Variants in RGPD8 observed in about 807,000 individuals in gnomAD.
The protein encoded by RGPD8 is RANBP2 like and GRIP domain containing 8, also known as RANBP2-like and GRIP domain-containing protein 8.
In RGPD8, 15 loss-of-function variants were observed where a neutral mutation model predicts 89.1. That is an observed-to-expected ratio of 0.17 (90% CI 0.11 to 0.26). The LOEUF is 0.26. Ranked by LOEUF, RGPD8 falls within the 10% of genes least tolerant of loss-of-function variation. The pLI is 1.00. For synonymous variants in RGPD8, 62 were observed against 420.9 expected, an observed-to-expected ratio of 0.15 and a Z score of 10.44; for missense variants, 178 against 1,179.6, an observed-to-expected ratio of 0.15 and a Z score of 12.44.
At chr2:112,419,763 G>A (rs1286204996) in intron 4 of RGPD8, among the ~76,000 whole-genome samples, 14 of 142,224 alleles carry the variant, frequency 9.8e-5, no homozygotes, top group East Asian at 4.3e-4. Context: ...GGATTGCCAC[G>A]CCCAATATGG....
chr2:112,417,110 G>A, intron 6 of RGPD8, 83 bp downstream of exon 6: 1 of 1,606,802 alleles, frequency 6.2e-7, no homozygotes. Context: ...TAATGATTCA[G>A]TGAAGAAGTT....
chr2:112,374,858 CTTTTTTTTTTTTTTT>C (rs780008775), intron 22 of RGPD8, among the ~76,000 whole-genome samples: 1 of 103,454 alleles, frequency 9.7e-6, no homozygotes, highest in East Asian at 3.3e-4. Context: ...AGTTTACATT[CTTTTTTTTTTTTTTT>C]TTTTTGAGAT....
chr2:112,428,016 A>G (rs1177023310), intron 1 of RGPD8, among the ~76,000 whole-genome samples: 4 of 152,302 alleles, frequency 2.6e-5, no homozygotes, highest in Non-Finnish European at 5.9e-5. Flanking sequence ...TAATACAAGA[A>G]ATGCTACAGA....
At chr2:112,432,577 C>A (rs1277175394) in intron 1 of RGPD8, 43 of 985,286 alleles carry the variant, frequency 4.4e-5, no homozygotes, top group Admixed American at 6.1e-5. Context: ...CTGCGTCAGT[C>A]CCCACTGGGT....
chr2:112,427,959 T>G (rs1231407776), intron 1 of RGPD8, among the ~76,000 whole-genome samples: 2 of 152,310 alleles, frequency 1.3e-5, no homozygotes, highest in African/African-American at 4.8e-5. Context: ...AACTCCAGCT[T>G]TCAGGTAAAC....
intron 2 of RGPD8, among the ~76,000 whole-genome samples, chr2:112,423,681 C>T (rs1172903726): frequency 6.9e-5 from 10 of 145,536 alleles, no homozygotes; most frequent in South Asian, 2.2e-4. Context: ...GCACTCCAGC[C>T]GGAGCAAGAG....
intron 8 of RGPD8, among the ~76,000 whole-genome samples, chr2:112,404,700 C>CAA (rs1318458486): frequency 0.011 from 481 of 45,626 alleles, no homozygotes; most frequent in Non-Finnish European, 0.014. Context: ...ACTAAAAATA[C>CAA]AAAAAAAAAA....
At chr2:112,431,882 C>T (rs1389939030) in intron 1 of RGPD8, among the ~76,000 whole-genome samples, 1 of 152,218 alleles carries the variant, frequency 6.6e-6, no homozygotes, top group Non-Finnish European at 1.5e-5. Flanking sequence ...TCAGGCAATC[C>T]GCCCTCCTCG....
chr2:112,387,732 C>T (rs1035411428), intron 20 of RGPD8, among the ~76,000 whole-genome samples: 6 of 143,604 alleles, frequency 4.2e-5, no homozygotes, highest in South Asian at 2.3e-4. Context: ...AAAAGACTCA[C>T]GTTAATGCGC....
intron 22 of RGPD8, among the ~76,000 whole-genome samples, chr2:112,372,942 G>C (rs1677996684): frequency 7.7e-6 from 1 of 130,674 alleles, no homozygotes; most frequent in Non-Finnish European, 1.5e-5. Flanking sequence ...TACTTGTAGA[G>C]AGTTTTAGAC....
intron 6 of RGPD8, among the ~76,000 whole-genome samples, chr2:112,413,176 A>G (rs1679253696): frequency 7.0e-6 from 1 of 143,556 alleles, no homozygotes; most frequent in South Asian, 2.1e-4. Context: ...GCTGGAGTGC[A>G]ATGGCACGAT....
chr2:112,393,938 TCA>T lies in RGPD8; in HGVS notation c.2602+678_2602+679del, dbSNP rs1297533899. 2.6e-5 allele frequency among the ~76,000 whole-genome samples: 2 copies of T among 75,682 alleles called. 1 individual carries two copies. Among genetic ancestry groups the T allele is most frequent in the East Asian group, 6.8e-4 (2 of 2,936 alleles). 49.7% of individuals were successfully genotyped at this position (75,682 alleles called of 152,430 possible). A position where few individuals can be genotyped will look rare whatever the true frequency, so the allele number is the denominator to read the frequency against. On this transcript the variant is annotated intron_variant, in intron 18 of 22. Coordinates refer to ENST00000302558, the MANE Select transcript of RGPD8 (RefSeq NM_001164463.1). ...TTACTGTAATTAAATCAAATTACAT[TCA>T]CACAGCACTTTTGCACACAGCCAAC...
intron 1 of RGPD8, among the ~76,000 whole-genome samples, chr2:112,433,008 C>CG (rs557292627): frequency 0.018 from 1,239 of 67,106 alleles, 91 homozygotes; most frequent in Middle Eastern, 0.065. Context: ...GAGCAGCGCC[C>CG]TCGGGAGCCA....
At chr2:112,373,309 A>G (rs541991485) in intron 22 of RGPD8, among the ~76,000 whole-genome samples, 134 of 152,012 alleles carry the variant, frequency 8.8e-4, no homozygotes, top group Non-Finnish European at 1.4e-3. Context: ...ATTTTACCTT[A>G]TAACGCAGAG....
chr2:112,432,543 G>A (rs1388599542), intron 1 of RGPD8: 1 of 985,230 alleles, frequency 1.0e-6, no homozygotes, highest in African/African-American at 1.7e-5. Context: ...GTCACTCGAC[G>A]CAGCCGCCAA....
chr2:112,370,395 T>C (rs878965985), intron 22 of RGPD8, among the ~76,000 whole-genome samples, 183 bp from the exon 23 acceptor site: 1 of 98,060 alleles, frequency 1.0e-5, no homozygotes, highest in African/African-American at 4.2e-5. Context: ...TTTTTTGAGA[T>C]AGGGTCTTGC....
At chr2:112,429,968 G>A (rs745636870) in intron 1 of RGPD8, among the ~76,000 whole-genome samples, 11 of 151,966 alleles carry the variant, frequency 7.2e-5, no homozygotes, top group East Asian at 1.9e-4. Context: ...CACCACGCCC[G>A]GCTCATTTTT....
chr2:112,417,152 C>G, intron 6 of RGPD8, 41 bp downstream of exon 6: 1 of 1,607,958 alleles, frequency 6.2e-7, no homozygotes, highest in South Asian at 1.1e-5. Context: ...AAAAGAAAAA[C>G]TGCAATTTAT....
chr2:112,373,583 A>G (rs1281423585), intron 22 of RGPD8, among the ~76,000 whole-genome samples: 1 of 151,958 alleles, frequency 6.6e-6, no homozygotes, highest in Non-Finnish European at 1.5e-5. Context: ...GTATATATGT[A>G]GAGTTTCAAG....
Sources: allele counts gnomAD v4.1 joint callset (sites outside exome capture counted in the v4.1 genomes callset), GRCh38; gene constraint gnomAD v4.1.1; transcripts MANE v1.5; gene names NCBI Gene and HGNC (gene_info 2026-07-23, HGNC 2026-07-21).